OR2I1: variants seen among roughly 807,000 people sequenced by gnomAD.
OR2I1 encodes the protein olfactory receptor family 2 subfamily I member 1 (gene/pseudogene).
At chr6:29,553,391 T>G in the OR2I1 span, 115 of 398,982 alleles carry the variant, frequency 2.9e-4, no homozygotes, top group Non-Finnish European at 4.0e-4. Flanking sequence ...CACACGCCCA[T>G]GTACTACTTC....
chr6:29,556,074 G>A, the OR2I1 span: 5 of 1,612,996 alleles, frequency 3.1e-6, no homozygotes, highest in African/African-American at 5.3e-5. Context: ...TGGAGGAGGT[G>A]CCTCTTTGCC....
At chr6:29,551,024 T>A in the OR2I1 span, among the ~76,000 whole-genome samples, 6 of 152,344 alleles carry the variant, frequency 3.9e-5, no homozygotes, top group East Asian at 1.2e-3. Flanking sequence ...GGTGCACACA[T>A]GCCTATGTTT....
chr6:29,553,882 G>A, the OR2I1 span: 31 of 398,646 alleles, frequency 7.8e-5, no homozygotes, highest in Non-Finnish European at 1.3e-4. Context: ...CGGTGCCGTG[G>A]CCCGAGCTGT....
chr6:29,555,853 C>G, the OR2I1 span: 1 of 1,578,108 alleles, frequency 6.3e-7, no homozygotes, highest in South Asian at 1.1e-5. Context: ...CTTTTTGACC[C>G]CTGCCAACAC....
chr6:29,554,771 G>A, the OR2I1 span: 1 of 152,194 alleles, frequency 6.6e-6, no homozygotes, highest in African/African-American at 2.4e-5. Context: ...TAGGATGAGT[G>A]TGGAAGAAGG....
At chr6:29,553,638 T>C in the OR2I1 span, 1 of 398,410 alleles carries the variant, frequency 2.5e-6, no homozygotes. Context: ...CGCGCCTATG[T>C]CGCACGCTGG....
At chr6:29,554,728 G>A in the OR2I1 span, 7 of 152,158 alleles carry the variant, frequency 4.6e-5, no homozygotes, top group Admixed American at 2.0e-4. Context: ...TGCAGGAGTT[G>A]GTTCTTGAGC....
At chr6:29,556,250 A>C in the OR2I1 span, 1 of 1,612,978 alleles carries the variant, frequency 6.2e-7, no homozygotes, top group African/African-American at 1.3e-5. Flanking sequence ...CTGCACAGGA[A>C]CCTTGGTCTT....
the OR2I1 span, chr6:29,554,950 G>A: frequency 1.3e-5 from 2 of 152,244 alleles, no homozygotes; most frequent in Non-Finnish European, 2.9e-5. Flanking sequence ...AAAAAGAAGA[G>A]AGGAAAATGC....
the OR2I1 span, chr6:29,556,624 C>T: frequency 0.065 from 29,427 of 455,708 alleles, 1,542 homozygotes; most frequent in Middle Eastern, 0.083. Context: ...ACTGAACGGA[C>T]GCTCTTTTGC....
the OR2I1 span, chr6:29,553,475 G>A: frequency 1.5e-5 from 6 of 398,744 alleles, no homozygotes; most frequent in Admixed American, 1.8e-4. Flanking sequence ...AACCTGCGCG[G>A]ACCAGCGCTC....
chr6:29,556,252 C>G, the OR2I1 span: 7 of 1,612,994 alleles, frequency 4.3e-6, no homozygotes, highest in African/African-American at 6.7e-5. Flanking sequence ...GCACAGGAAC[C>G]TTGGTCTTAG....
the OR2I1 span, chr6:29,553,494 G>A: frequency 5.0e-6 from 2 of 398,610 alleles, no homozygotes; most frequent in South Asian, 2.5e-4. Context: ...TCTGGCTGCC[G>A]CGCAGCCACT....
At chr6:29,554,722 G>A in the OR2I1 span, 1 of 152,298 alleles carries the variant, frequency 6.6e-6, no homozygotes. Context: ...CCCCCCTGCA[G>A]GAGTTGGTTC....
chr6:29,555,765 T>C, the OR2I1 span: 4 of 770,784 alleles, frequency 5.2e-6, no homozygotes, highest in Non-Finnish European at 8.3e-6. Flanking sequence ...CAAATCTTAC[T>C]CTACTCATCT....
At chr6:29,557,628 C>T in the OR2I1 span, 1 of 152,208 alleles carries the variant, frequency 6.6e-6, no homozygotes, top group Non-Finnish European at 1.5e-5. Flanking sequence ...TAGCAAACCC[C>T]TTCAGCATAA....
At chr6:29,553,878 C>A in the OR2I1 span, 2 of 398,726 alleles carry the variant, frequency 5.0e-6, no homozygotes, top group Non-Finnish European at 8.8e-6. Context: ...CCTACGGTGC[C>A]GTGGCCCGAG....
chr6:29,553,885 C>A, the OR2I1 span: 1 of 398,584 alleles, frequency 2.5e-6, no homozygotes, highest in Non-Finnish European at 4.4e-6. Flanking sequence ...TGCCGTGGCC[C>A]GAGCTGTCTG....
chr6:29,556,306 G>C, the OR2I1 span: 1 of 1,612,730 alleles, frequency 6.2e-7, no homozygotes, highest in Non-Finnish European at 8.5e-7. Flanking sequence ...CATATGGGTT[G>C]GCATCAAAGG....
Sources: gnomAD v4.1 joint callset for allele counts (sites outside exome capture counted in the v4.1 genomes callset) on GRCh38, gnomAD v4.1.1 for gene constraint, MANE v1.5 for transcripts, NCBI Gene and HGNC (gene_info 2026-07-23, HGNC 2026-07-21) for gene names.